Variants in GRM1 observed in about 807,000 individuals in gnomAD.
GRM1 encodes metabotropic glutamate receptor 1.
GRM1 carries 33 observed loss-of-function variants against 90.9 expected under a neutral mutation model. The observed-to-expected ratio is 0.36, with a 90% CI of 0.28 to 0.49. GRM1 has a LOEUF of 0.49. GRM1 is among the 20% of genes least tolerant of loss of function. The pLI, the probability that GRM1 is intolerant of heterozygous loss-of-function variation, is 0.99. For synonymous variants in GRM1, 700 were observed against 613.2 expected (o/e 1.14, Z -2.09); for missense variants, 1,190 against 1,534.3 (o/e 0.78, Z 3.75).
At chr6:146,372,157 A>T (rs1775927341) in intron 5 of GRM1, among the ~76,000 whole-genome samples, 2 of 152,090 alleles carry the variant, frequency 1.3e-5, no homozygotes, top group Non-Finnish European at 2.9e-5. Flanking sequence ...AACCATTTTA[A>T]CTGGGGTGAG....
intron 2 of GRM1, among the ~76,000 whole-genome samples, chr6:146,238,022 G>T (rs577296840): frequency 8.3e-4 from 127 of 152,184 alleles, no homozygotes; most frequent in Non-Finnish European, 1.6e-3. Context: ...TAACTAATGG[G>T]CACTATGAGC....
At chr6:146,421,686 T>C (rs1382473004) in intron 7 of GRM1, among the ~76,000 whole-genome samples, 1 of 152,152 alleles carries the variant, frequency 6.6e-6, no homozygotes, top group Non-Finnish European at 1.5e-5. Flanking sequence ...TTCTCTGTAG[T>C]CTCTTACTAG....
chr6:146,327,275 T>C (rs1216012219), intron 3 of GRM1, among the ~76,000 whole-genome samples: 1 of 152,174 alleles, frequency 6.6e-6, no homozygotes, highest in African/African-American at 2.4e-5. Flanking sequence ...GTTTGTATAA[T>C]AAGGGTTACG....
intron 1 of GRM1, among the ~76,000 whole-genome samples, chr6:146,126,781 C>T (rs1464537344): frequency 6.6e-6 from 1 of 152,070 alleles, no homozygotes; most frequent in Non-Finnish European, 1.5e-5. Flanking sequence ...TAAATTTGCT[C>T]TGAAGAAACT....
chr6:146,223,457 T>C (rs1780138112), intron 2 of GRM1, among the ~76,000 whole-genome samples: 1 of 152,056 alleles, frequency 6.6e-6, no homozygotes, highest in Admixed American at 6.6e-5. Context: ...CACAGGCAAG[T>C]AGTTTAAAGA....
In GRM1 at chr6:146,434,212, C is replaced by A. The variant is rs770209393; in HGVS notation, c.3001C>A (p.Pro1001Thr). 3 of 1,609,276 alleles carry A rather than the reference C, an allele frequency of 1.9e-6. No homozygotes were observed. The African/African-American group carries it at 4.0e-5, about 22-fold the overall frequency. Reference protein sequence around the residue: ...LPSHLTAEETPLFLAEPALPK... With the variant: ...LPSHLTAEETTLFLAEPALPK... ...GTCCCACCTGACCGCAGAGGAGACC[C>A]CCCTCTTCCTGGCCGAACCAGCCCT... The change falls in exon 8 of 8, where the codon CCC becomes ACC. Residue 1001 changes from proline (P) to threonine (T), a missense_variant. Physicochemically the swap from Pro to Thr is conservative, Grantham distance 38 (BLOSUM62 -1). Coordinates refer to ENST00000282753, the MANE Select transcript of GRM1 (RefSeq NM_001278064.2).
At chr6:146,331,094 G>A (rs1465309986) in intron 3 of GRM1, among the ~76,000 whole-genome samples, 2 of 152,206 alleles carry the variant, frequency 1.3e-5, no homozygotes, top group Admixed American at 6.5e-5. Flanking sequence ...GAGTGCAAGA[G>A]TGCCCTGCAG....
At chr6:146,279,143 T>A (rs540635632) in intron 2 of GRM1, among the ~76,000 whole-genome samples, 1 of 152,334 alleles carries the variant, frequency 6.6e-6, no homozygotes, top group South Asian at 2.1e-4. Context: ...ATTATTGGCA[T>A]AACATTTTTA....
At chr6:146,154,361 C>T (rs761867610) in intron 1 of GRM1, among the ~76,000 whole-genome samples, 5 of 152,138 alleles carry the variant, frequency 3.3e-5, no homozygotes, top group African/African-American at 9.7e-5. Flanking sequence ...TCCTTCCTCG[C>T]GCCCTCTTCT....
At chr6:146,417,526 G>A (rs1777832560) in intron 7 of GRM1, among the ~76,000 whole-genome samples, 1 of 152,138 alleles carries the variant, frequency 6.6e-6, no homozygotes, top group South Asian at 2.1e-4. Flanking sequence ...GAGAGAAATT[G>A]TATGATAATT....
rs186054502 is a variant in GRM1 at position 146,161,062 on chromosome 6, C to G, written c.950+1465C>G. On this transcript the variant is annotated intron_variant, in intron 2 of 7. Transcript: ENST00000282753. ...TAAGCAGTATTGTTGAAGTGTTACA[C>G]AGAGTAATATATGCACCAGGACAGA... Among the ~76,000 whole-genome samples, 19 of 152,228 alleles carry G rather than the reference C, an allele frequency of 1.2e-4. No individual in the cohort carries two copies. The East Asian group carries it at 3.7e-3, about 29-fold the overall frequency.
intron 2 of GRM1, among the ~76,000 whole-genome samples, chr6:146,236,903 A>C (rs1780666022): frequency 6.6e-6 from 1 of 152,068 alleles, no homozygotes; most frequent in Non-Finnish European, 1.5e-5. Flanking sequence ...AGGTTTGTGA[A>C]GAGTCTGGAA....
chr6:146,085,313 C>T (rs1776503461), intron 1 of GRM1, among the ~76,000 whole-genome samples: 1 of 152,010 alleles, frequency 6.6e-6, no homozygotes, highest in African/African-American at 2.4e-5. Flanking sequence ...ATGGCTTCTG[C>T]TTTGCCACAT....
chr6:146,195,287 C>T (rs1240074322), intron 2 of GRM1, among the ~76,000 whole-genome samples: 2 of 152,156 alleles, frequency 1.3e-5, no homozygotes, highest in African/African-American at 2.4e-5. Flanking sequence ...AGCACGAAGA[C>T]GTAATTGCAA....
chr6:146,357,508 A>G lies in GRM1; in HGVS notation c.1434-18A>G, dbSNP rs1371722139. ...TATGTCTATATTCTATAAGACATGC[A>G]CATTGTGCTCTTTGTAGGTATGATA... is the stretch of plus-strand genomic sequence containing the variant. On this transcript the variant is annotated intron_variant, in intron 4 of 7. Transcript: ENST00000282753. The G allele has an allele frequency of 6.3e-7, 1 of 1,597,730 alleles. No individual in the cohort carries two copies. The highest frequency in any genetic ancestry group is 1.7e-5 in the Admixed American group (1 of 59,986).
In GRM1 at chr6:146,304,686, G is replaced by T. The variant is rs146698700; in HGVS notation, c.1026G>T (p.Leu342=). The change falls in exon 3 of 8, where the codon CTG becomes CTT. Residue 342 remains leucine (L), a synonymous_variant. Coordinates refer to ENST00000282753, the MANE Select transcript of GRM1 (RefSeq NM_001278064.2). ...VEANGGITIK[L]QSPEVRSFDD... ...CCAACGGGGGAATCACGATAAAGCT[G>T]CAGTCTCCAGAGGTCAGGTCATTTG... is the stretch of plus-strand genomic sequence containing the variant. The T allele has an allele frequency of 4.0e-5, 64 of 1,613,800 alleles. No individual in the cohort carries two copies. Among genetic ancestry groups the T allele is most frequent in the Non-Finnish European group, 5.2e-5 (61 of 1,179,876 alleles).
chr6:146,093,537 C>T (rs1776778045), intron 1 of GRM1, among the ~76,000 whole-genome samples: 1 of 152,028 alleles, frequency 6.6e-6, no homozygotes, highest in African/African-American at 2.4e-5. Context: ...TGTGGCTGGC[C>T]CTCACTGAAG....
chr6:146,038,141 G>C (rs1327249062), intron 1 of GRM1, among the ~76,000 whole-genome samples: 1 of 151,810 alleles, frequency 6.6e-6, no homozygotes, highest in Admixed American at 6.6e-5. Context: ...AATAAGACCA[G>C]AATTAAACAC....
intron 2 of GRM1, among the ~76,000 whole-genome samples, chr6:146,264,598 T>G (rs543876336): frequency 6.6e-6 from 1 of 152,160 alleles, no homozygotes; most frequent in African/African-American, 2.4e-5. Context: ...ACATATTGCA[T>G]AATGGTGAGA....
Sources: allele counts gnomAD v4.1 joint callset (sites outside exome capture counted in the v4.1 genomes callset), GRCh38; gene constraint gnomAD v4.1.1; transcripts MANE v1.5; gene names NCBI Gene and HGNC (gene_info 2026-07-23, HGNC 2026-07-21).